Variants in NECAB1 observed in about 807,000 individuals in gnomAD.
NECAB1 encodes the protein N-terminal EF-hand calcium binding protein 1, also known as N-terminal EF-hand calcium-binding protein 1.
NECAB1 carries 29 observed loss-of-function variants against 57.5 expected under a neutral mutation model. The observed-to-expected ratio is 0.50, with a 90% confidence interval of 0.38 to 0.69. The LOEUF (loss-of-function observed/expected upper bound fraction) is 0.69. Ranked by LOEUF, NECAB1 falls within the 30% of genes least tolerant of loss-of-function variation. NECAB1 has a pLI of 0.00. For missense variants in NECAB1, 372 were observed against 413.8 expected, an observed-to-expected ratio of 0.90 and a Z score of 0.88; for synonymous variants, 142 against 147.7, an observed-to-expected ratio of 0.96 and a Z score of 0.28.
chr8:90,877,477 A>G (rs1014136570), intron 4 of NECAB1, among the ~76,000 whole-genome samples: 5 of 152,138 alleles, frequency 3.3e-5, no homozygotes, highest in African/African-American at 7.2e-5. Context: ...GATTTACTAG[A>G]TGAGACCTTC....
At chr8:90,925,365 T>C (rs546135558) in intron 6 of NECAB1, among the ~76,000 whole-genome samples, 170 bp from the exon 7 acceptor site, 3 of 152,356 alleles carry the variant, frequency 2.0e-5, no homozygotes, top group African/African-American at 7.2e-5. Context: ...GTTCACATAC[T>C]GTAGTACCAA....
At chr8:90,807,632 G>A (rs186592379) in intron 2 of NECAB1, among the ~76,000 whole-genome samples, 1 of 152,112 alleles carries the variant, frequency 6.6e-6, no homozygotes, top group South Asian at 2.1e-4. Flanking sequence ...AAAGATTAAG[G>A]GCCGGGCCCT....
chr8:90,847,178 AC>A (rs1812583472), intron 3 of NECAB1, among the ~76,000 whole-genome samples: 1 of 152,224 alleles, frequency 6.6e-6, no homozygotes, highest in South Asian at 2.1e-4. Context: ...GGGTAAGTAT[AC>A]CCATTTCAAA....
At chr8:90,804,459 A>C (rs1685347675) in intron 2 of NECAB1, among the ~76,000 whole-genome samples, 1 of 152,104 alleles carries the variant, frequency 6.6e-6, no homozygotes, top group South Asian at 2.1e-4. Context: ...AGCATAGTGA[A>C]TATAGCTAAT....
intron 10 of NECAB1, among the ~76,000 whole-genome samples, chr8:90,945,678 T>C (rs1442612277): frequency 6.6e-6 from 1 of 152,168 alleles, no homozygotes; most frequent in Non-Finnish European, 1.5e-5. Context: ...CCGTCCATTA[T>C]GGGCAGTTTC....
Position 90,802,345 on chromosome 8 carries a change from T to A in NECAB1, c.124+630T>A, listed in dbSNP as rs1406703436. ...GTAAAAACTTGCTCTGTTGATTTAA[T>A]GATGACTGCACAACATCTAAGTTGT... On this transcript the variant is annotated intron_variant, in intron 2 of 12. Coordinates refer to ENST00000417640, the MANE Select transcript of NECAB1 (RefSeq NM_022351.5). Among the ~76,000 whole-genome samples the A allele has an allele frequency of 4.6e-5, 7 of 152,248 alleles. No individual in the cohort carries two copies. The East Asian group carries it at 1.2e-3, about 25-fold the overall frequency.
At chr8:90,863,921 CAG>C (rs969272170) in intron 3 of NECAB1, among the ~76,000 whole-genome samples, 2 of 151,994 alleles carry the variant, frequency 1.3e-5, no homozygotes, top group Non-Finnish European at 2.9e-5. Flanking sequence ...AAAATTAAAA[CAG>C]AAGTATTAGA....
intron 3 of NECAB1, among the ~76,000 whole-genome samples, chr8:90,858,001 C>T (rs1941075446): frequency 6.6e-6 from 1 of 152,042 alleles, no homozygotes; most frequent in Admixed American, 6.6e-5. Context: ...AGAAAGTCTT[C>T]TGAAACATCA....
At chr8:90,830,998 C>A (rs1170926884) in intron 3 of NECAB1, among the ~76,000 whole-genome samples, 2 of 151,994 alleles carry the variant, frequency 1.3e-5, no homozygotes. Context: ...CTTATAGGAC[C>A]AGAGATAGAT....
chr8:90,834,120 G>A lies in NECAB1; in HGVS notation c.233+9295G>A, dbSNP rs550002613. On this transcript the variant is annotated intron_variant, in intron 3 of 12. Transcript: ENST00000417640. ...GGCGGTTGCAGTGAGCTGAGACTGT[G>A]CACCACTGTACTCCAGCCTAAGAGA... Among the ~76,000 whole-genome samples the A allele has an allele frequency of 3.0e-3, 386 of 128,090 alleles. 1 individual carries two copies. Among genetic ancestry groups the A allele is most frequent in the African/African-American group, 0.011 (359 of 33,520 alleles). 84.0% of individuals were successfully genotyped at this position (128,090 alleles called of 152,430 possible).
chr8:90,884,177 A>G (rs2129897727), intron 5 of NECAB1, among the ~76,000 whole-genome samples: 1 of 152,322 alleles, frequency 6.6e-6, no homozygotes, highest in African/African-American at 2.4e-5. Flanking sequence ...ACAGCCTACA[A>G]TACATTTTCA....
chr8:90,901,096 G>T (rs1390791642), intron 5 of NECAB1, among the ~76,000 whole-genome samples: 2 of 152,084 alleles, frequency 1.3e-5, no homozygotes, highest in Non-Finnish European at 2.9e-5. Context: ...TATAAAAGAT[G>T]AATATAAAAT....
chr8:90,837,531 C>T (rs138433860), intron 3 of NECAB1, among the ~76,000 whole-genome samples: 259 of 152,184 alleles, frequency 1.7e-3, no homozygotes, highest in Middle Eastern at 3.4e-3. Flanking sequence ...ATTTTTGGAC[C>T]ACAGTTGACT....
rs147991194 is a variant in NECAB1 at position 90,794,720 on chromosome 8, A to C, written c.99+2735A>C. ...TTCCTTAGGCTGTTGTGAGTATGAA[A>C]TAAGGGAAAATGGAAACAAAGCAAA... On this transcript the variant is annotated intron_variant, in intron 1 of 12. Coordinates refer to ENST00000417640, the MANE Select transcript of NECAB1 (RefSeq NM_022351.5). 3.5e-3 allele frequency among the ~76,000 whole-genome samples: 536 copies of C among 152,354 alleles called. 2 individuals are homozygous for C. The highest frequency in any genetic ancestry group is 0.012 in the African/African-American group (495 of 41,580).
rs1485174890 is a variant in NECAB1, at chr8:90,791,807, A to G, written c.-80A>G. The G allele has an allele frequency of 8.5e-7, 1 of 1,171,428 alleles. No homozygotes were observed. 72.6% of individuals were successfully genotyped at this position (1,171,428 alleles called of 1,614,324 possible). ...ATCCAGAGCCCGGCGGCGGCGAAGC[A>G]GCAGCTGCGGCCGCGCCCTTGCCAG... On this transcript the variant is annotated 5_prime_UTR_variant, in exon 1 of 13. Coordinates refer to ENST00000417640, the MANE Select transcript of NECAB1 (RefSeq NM_022351.5).
chr8:90,948,833 C>T (rs528011268), intron 10 of NECAB1, among the ~76,000 whole-genome samples: 1 of 152,120 alleles, frequency 6.6e-6, no homozygotes, highest in Non-Finnish European at 1.5e-5. Context: ...CCCACTGTGC[C>T]ATCGGAAGGA....
Position 90,847,209 on chromosome 8 carries a change from C to A in NECAB1, c.233+22384C>A, listed in dbSNP as rs182004986. On this transcript the variant is annotated intron_variant, in intron 3 of 12. Coordinates refer to ENST00000417640, the MANE Select transcript of NECAB1 (RefSeq NM_022351.5). The stretch of plus-strand genomic sequence containing the variant: ...TTCAAATGGGAGAAATTGGCCAAAA[C>A]AAAGGGGCCACAGGCCCCATGCAAG... Among the ~76,000 whole-genome samples the A allele has an allele frequency of 3.9e-5, 6 of 152,352 alleles. No individual in the cohort carries two copies. In the East Asian group the frequency reaches 1.2e-3, roughly 29 times the overall value.
intron 2 of NECAB1, chr8:90,806,567 A>G (rs1408399043): frequency 6.6e-6 from 1 of 152,230 alleles, no homozygotes; most frequent in Non-Finnish European, 1.5e-5. Flanking sequence ...TGATTTATAT[A>G]CATTGTCTTC....
rs1043154579 is a variant in NECAB1, at chr8:90,957,722, T to C, written c.*2210T>C. The C allele has an allele frequency of 6.8e-6, 1 of 146,914 alleles. No individual in the cohort carries two copies. The highest frequency in any genetic ancestry group is 2.5e-5 in the African/African-American group (1 of 39,700). The allele number at this position is 146,914 out of a possible 1,614,324, so 9.1% of individuals were successfully genotyped here. A position where few individuals can be genotyped will look rare whatever the true frequency, so the allele number is the denominator to read the frequency against. On this transcript the variant is annotated 3_prime_UTR_variant, in exon 13 of 13. Coordinates refer to ENST00000417640, the MANE Select transcript of NECAB1 (RefSeq NM_022351.5). ...GAAAAAAGAAAAAAAAAGAAAAAAC[T>C]GGGACCTAAGTATAAATATCTCATC...
Sources: allele counts gnomAD v4.1 joint callset (sites outside exome capture counted in the v4.1 genomes callset), GRCh38; gene constraint gnomAD v4.1.1; transcripts MANE v1.5; gene names NCBI Gene and HGNC (gene_info 2026-07-23, HGNC 2026-07-21).